Variants in CLSTN1 observed in about 807,000 individuals in gnomAD.
The protein encoded by CLSTN1 is calsyntenin 1.
CLSTN1 carries 28 observed loss-of-function variants against 108.3 expected under a neutral mutation model. The observed-to-expected ratio is 0.26, with a 90% CI of 0.19 to 0.35. CLSTN1 has a LOEUF of 0.35. Among genes scored for constraint, CLSTN1 ranks in the 10% least tolerant of loss-of-function variants. The pLI is 1.00. For synonymous variants in CLSTN1, 524 were observed against 534.9 expected, an observed-to-expected ratio of 0.98 and a Z score of 0.28; for missense variants, 1,157 against 1,302.6, an observed-to-expected ratio of 0.89 and a Z score of 1.72.
rs1653725027 is a variant in CLSTN1 at position 9,790,741 on chromosome 1, T to C, written c.92-17347A>G. Among the ~76,000 whole-genome samples the C allele has an allele frequency of 1.3e-5, 2 of 151,282 alleles. 1 individual carries two copies. Among genetic ancestry groups the C allele is most frequent in the South Asian group, 4.3e-4 (2 of 4,622 alleles). On this transcript the variant is annotated intron_variant, in intron 1 of 18. Transcript: ENST00000377298. ...TGACCACTGAGGCTAATCTAGCGGA[T>C]TCAGCTATATGAAAGGCAAGAGACA...
At position 9,781,307 on chromosome 1, in the gene CLSTN1, C is replaced by T. The variant is rs1215044178; in HGVS notation, c.92-7913G>A. ...GAGGATTTAAAGATTGCACTGTAGT[C>T]GAGAATGTACAATGATACTGAATGC... On this transcript the variant is annotated intron_variant, in intron 1 of 18. Coordinates refer to ENST00000377298, the MANE Select transcript of CLSTN1 (RefSeq NM_001009566.3). 10 of 641,110 alleles carry T rather than the reference C, an allele frequency of 1.6e-5. No homozygotes were observed. In the Admixed American group the frequency reaches 2.4e-4, roughly 15 times the overall value. 39.7% of individuals were successfully genotyped at this position (641,110 alleles called of 1,614,324 possible).
intron 10 of CLSTN1, 60 bp from the exon 11 acceptor site, chr1:9,737,614 G>C (rs371142908): frequency 6.7e-7 from 1 of 1,498,218 alleles, no homozygotes; most frequent in African/African-American, 1.4e-5. Flanking sequence ...TCTTCAAACC[G>C]GACCTTGAAA....
chr1:9,740,992 G>A (rs375464173), intron 10 of CLSTN1, 102 bp downstream of exon 10: 38 of 1,279,750 alleles, frequency 3.0e-5, no homozygotes, highest in East Asian at 2.4e-4. Flanking sequence ...TCCAGGACAC[G>A]AGGGTAAGGC....
chr1:9,771,570 C>T (rs1652682853), intron 2 of CLSTN1, among the ~76,000 whole-genome samples: 1 of 152,070 alleles, frequency 6.6e-6, no homozygotes, highest in Admixed American at 6.5e-5. Context: ...GCTGAGATTG[C>T]ACCACTGCAC....
At position 9,756,495 on chromosome 1, in the gene CLSTN1, G is replaced by A; in HGVS notation, c.230C>T (p.Thr77Ile). ...CCCTTTATCACCTTCTTTGGTGACT[G>A]TCACCTCAAAACTCTCTAAAGGGAG... ...PLRFAESFEV[T>I]VTKEGEICGF... The change falls in exon 3 of 19, where the codon ACA (threonine) becomes ATA (isoleucine). Residue 77 changes from threonine (T) to isoleucine (I), a missense_variant. By Grantham distance (89) the Thr-to-Ile change is moderately conservative. Transcript: ENST00000377298. 1 of 1,612,292 alleles carries A rather than the reference G, an allele frequency of 6.2e-7. No individual in the cohort carries two copies. Among genetic ancestry groups the A allele is most frequent in the South Asian group, 1.1e-5 (1 of 91,040 alleles).
chr1:9,775,062 C>A (rs906320832), intron 1 of CLSTN1, among the ~76,000 whole-genome samples: 2 of 152,084 alleles, frequency 1.3e-5, no homozygotes, highest in Non-Finnish European at 2.9e-5. Flanking sequence ...GTGAGGACGA[C>A]CAGAAGTCAC....
intron 7 of CLSTN1, among the ~76,000 whole-genome samples, chr1:9,745,769 T>G (rs954529002): frequency 7.0e-6 from 1 of 142,458 alleles, no homozygotes; most frequent in African/African-American, 2.6e-5. Context: ...ATAGTTGTTT[T>G]TTTTTTTTTT....
intron 1 of CLSTN1, among the ~76,000 whole-genome samples, chr1:9,813,509 AAAAG>A (rs1405100468): frequency 1.5e-4 from 23 of 152,064 alleles, no homozygotes; most frequent in East Asian, 1.2e-3. Flanking sequence ...AAAAAAAAAA[AAAAG>A]AAAGAAAGAA....
chr1:9,793,359 T>C (rs1653851977), intron 1 of CLSTN1, among the ~76,000 whole-genome samples: 1 of 151,214 alleles, frequency 6.6e-6, no homozygotes, highest in Non-Finnish European at 1.5e-5. Flanking sequence ...CCTCAGATAG[T>C]AAAGAGCACG....
intron 5 of CLSTN1, 34 bp from the exon 6 acceptor site, chr1:9,749,947 A>C: frequency 6.3e-7 from 1 of 1,598,678 alleles, no homozygotes; most frequent in Non-Finnish European, 8.6e-7. Context: ...TGAGAGCCAA[A>C]ACCCATGCTG....
At chr1:9,784,423 G>A (rs1653390054) in intron 1 of CLSTN1, among the ~76,000 whole-genome samples, 1 of 152,262 alleles carries the variant, frequency 6.6e-6, no homozygotes, top group East Asian at 1.9e-4. Flanking sequence ...CAGGAGGAAT[G>A]TTTCAGCCCA....
intron 1 of CLSTN1, among the ~76,000 whole-genome samples, chr1:9,789,524 CTTGT>C (rs1271579499): frequency 6.6e-6 from 1 of 151,502 alleles, no homozygotes; most frequent in Non-Finnish European, 1.5e-5. Context: ...CAGAATGAAT[CTTGT>C]TTGACTTCAC....
At chr1:9,795,514 T>C (rs940524516) in intron 1 of CLSTN1, among the ~76,000 whole-genome samples, 1 of 151,442 alleles carries the variant, frequency 6.6e-6, no homozygotes, top group African/African-American at 2.4e-5. Context: ...CTCAATCTTA[T>C]TCTGCCACTG....
In CLSTN1 at chr1:9,734,071, C is replaced by A; in HGVS notation, c.2182G>T (p.Glu728Ter). ...AGGCTCTCCTGCTCGTGGTTCAGCTCCTCTCCCTCCACCGTGACCTCACAG... is the reference window on the plus strand; with the variant it reads ...AGGCTCTCCTGCTCGTGGTTCAGCTACTCTCCCTCCACCGTGACCTCACAG... ...DTCEVTVEGE[E>*]LNHEQESLEV... Residue 728 changes from glutamate (E) to a stop codon, truncating the protein, a stop_gained, in exon 15 of 19, where the codon GAG (glutamate) becomes TAG (stop). Transcript: ENST00000377298. LOFTEE classifies it high-confidence loss of function. This position sits in a 1 kb window ranked among gnomAD's most constrained non-coding sequence, Gnocchi z 4.8. 6.2e-7 allele frequency: 1 copy of A among 1,614,162 alleles called. No individual in the cohort carries two copies. The highest frequency in any genetic ancestry group is 1.1e-5 in the South Asian group (1 of 91,084).
At chr1:9,731,990 A>C in intron 16 of CLSTN1, 94 bp from the exon 17 acceptor site, 2 of 1,493,870 alleles carry the variant, frequency 1.3e-6, no homozygotes, top group Non-Finnish European at 1.9e-6. Flanking sequence ...GACCAGTGCC[A>C]CTCAGAGTGG....
intron 1 of CLSTN1, among the ~76,000 whole-genome samples, chr1:9,804,826 T>C (rs953362274): frequency 7.3e-5 from 11 of 151,070 alleles, no homozygotes; most frequent in African/African-American, 1.5e-4. Context: ...AGTGAGACCC[T>C]GTCTTAAAAA....
chr1:9,788,986 C>T (rs1037943430), intron 1 of CLSTN1, among the ~76,000 whole-genome samples: 10 of 151,396 alleles, frequency 6.6e-5, no homozygotes, highest in Non-Finnish European at 1.3e-4. Flanking sequence ...CCTCGAGGTG[C>T]CCCCCTGCTG....
In CLSTN1 at chr1:9,735,027, G is replaced by T. The variant is rs144945908; in HGVS notation, c.2031C>A (p.Phe677Leu). Reference sequence around the variant, plus strand: ...TGATGATGCGAAGCTCAGGGAAAAGGAACACCCCTTCTGAGCTTTCAAATT... The same window carrying T: ...TGATGATGCGAAGCTCAGGGAAAAGTAACACCCCTTCTGAGCTTTCAAATT... ...ASEFESSEGV[F>L]LFPELRIIST... The change falls in exon 14 of 19, where the codon TTC (phenylalanine) becomes TTA (leucine). Residue 677 changes from phenylalanine (F) to leucine (L), a missense_variant. By Grantham distance (22) the Phe-to-Leu change is conservative (BLOSUM62 0). Coordinates refer to ENST00000377298, the MANE Select transcript of CLSTN1 (RefSeq NM_001009566.3). 3 of 1,614,092 alleles carry T rather than the reference G, an allele frequency of 1.9e-6. No individual in the cohort carries two copies. The highest frequency in any genetic ancestry group is 2.5e-6 in the Non-Finnish European group (3 of 1,180,062).
At chr1:9,770,575 G>A (rs888926011) in intron 2 of CLSTN1, among the ~76,000 whole-genome samples, 4 of 152,182 alleles carry the variant, frequency 2.6e-5, no homozygotes, top group African/African-American at 4.8e-5. Flanking sequence ...CTGTGCCTCC[G>A]CTTCCTGCCT....
Sources: gnomAD v4.1 joint callset for allele counts (sites outside exome capture counted in the v4.1 genomes callset) on GRCh38, gnomAD v4.1.1 for gene constraint, Gnocchi (gnomAD v3.1) non-coding constraint, MANE v1.5 for transcripts, NCBI Gene and HGNC (gene_info 2026-07-23, HGNC 2026-07-21) for gene names.